EPB41: variants seen among roughly 807,000 people sequenced by gnomAD.
EPB41 encodes erythrocyte membrane protein band 4.1.
Under a neutral mutation model 108.0 loss-of-function variants are expected in EPB41, and 65 were observed. The observed-to-expected ratio is 0.60, with a 90% CI of 0.49 to 0.74. The LOEUF is 0.74. Among genes scored for constraint, EPB41 ranks in the 30% least tolerant of loss-of-function variants. The pLI, the probability that EPB41 is intolerant of heterozygous loss-of-function variation, is 0.00. For missense variants in EPB41, 875 were observed against 1,037.0 expected, an observed-to-expected ratio of 0.84 and a Z score of 2.15; for synonymous variants, 336 against 358.9, an observed-to-expected ratio of 0.94 and a Z score of 0.72.
At chr1:28,935,811 C>T (rs551162510) in intron 1 of EPB41, among the ~76,000 whole-genome samples, 26 of 151,406 alleles carry the variant, frequency 1.7e-4, no homozygotes, top group Middle Eastern at 3.4e-3. Flanking sequence ...CCCAGCTACT[C>T]GGGAGGCTGA....
intron 12 of EPB41, chr1:29,054,171 T>C (rs1644970266): frequency 6.6e-6 from 1 of 152,196 alleles, no homozygotes; most frequent in African/African-American, 2.4e-5. Context: ...GCACCCACAG[T>C]CACTGCACTG....
At chr1:29,001,101 G>C (rs2096285027) in intron 4 of EPB41, among the ~76,000 whole-genome samples, 1 of 152,116 alleles carries the variant, frequency 6.6e-6, no homozygotes, top group African/African-American at 2.4e-5. Context: ...ACTTTGGGAG[G>C]CTGAACTGGG....
At chr1:28,936,634 G>A (rs967481617) in intron 1 of EPB41, among the ~76,000 whole-genome samples, 1 of 152,080 alleles carries the variant, frequency 6.6e-6, no homozygotes, top group Non-Finnish European at 1.5e-5. Context: ...TCACATAAAT[G>A]GAATCACATA....
intron 1 of EPB41, among the ~76,000 whole-genome samples, chr1:28,905,058 G>C (rs2091671210): frequency 7.1e-6 from 1 of 141,172 alleles, no homozygotes; most frequent in South Asian, 2.1e-4. Flanking sequence ...AATTAGCCAG[G>C]CGTGGTGGTG....
intron 4 of EPB41, among the ~76,000 whole-genome samples, chr1:29,007,233 A>G (rs892281967): frequency 2.6e-5 from 4 of 152,000 alleles, no homozygotes; most frequent in Non-Finnish European, 5.9e-5. Flanking sequence ...GTTACTGTAT[A>G]ATATAATATT....
intron 1 of EPB41, chr1:28,889,707 TG>T: frequency 1.7e-6 from 1 of 599,008 alleles, no homozygotes; most frequent in Non-Finnish European, 2.1e-6. Flanking sequence ...AGACAGAGGC[TG>T]GGGTGGTGGG....
At chr1:28,980,728 A>G (rs2095717784) in intron 1 of EPB41, among the ~76,000 whole-genome samples, 1 of 141,146 alleles carries the variant, frequency 7.1e-6, no homozygotes, top group Non-Finnish European at 1.6e-5. Context: ...AAAGTGCATT[A>G]TTTTTATTTT....
At chr1:29,058,959 C>A in intron 14 of EPB41, 107 bp downstream of exon 14, 1 of 1,082,396 alleles carries the variant, frequency 9.2e-7, no homozygotes, top group Non-Finnish European at 1.4e-6. Context: ...TTCTTTTAAT[C>A]AGGAGTTGTT....
chr1:29,036,282 G>A lies in EPB41; in HGVS notation c.1463+359G>A, dbSNP rs1274428474. Among the ~76,000 whole-genome samples the A allele has an allele frequency of 5.9e-5, 8 of 136,686 alleles. No homozygotes were observed. In the East Asian group the frequency reaches 1.8e-3, roughly 31 times the overall value. The allele number at this position is 136,686 out of a possible 152,430, so 89.7% of individuals were successfully genotyped here. A position where few individuals can be genotyped will look rare whatever the true frequency, so the allele number is the denominator to read the frequency against. The stretch of plus-strand genomic sequence containing the variant: ...TTTTTTTTTTTTTTTTTTTTGAGAC[G>A]GAGTTTCGCTCTTGTTGCCCAGGCT... On this transcript the variant is annotated intron_variant, in intron 10 of 20. Coordinates refer to ENST00000343067, the MANE Select transcript of EPB41 (RefSeq NM_001376013.1).
At chr1:29,094,497 A>G (rs1211827158) in intron 16 of EPB41, among the ~76,000 whole-genome samples, 1 of 151,870 alleles carries the variant, frequency 6.6e-6, no homozygotes, top group Non-Finnish European at 1.5e-5. Context: ...GGTGGTCTCA[A>G]ACTCCTGACC....
chr1:29,050,739 G>A (rs1426886506), intron 11 of EPB41, among the ~76,000 whole-genome samples: 1 of 151,754 alleles, frequency 6.6e-6, no homozygotes, highest in East Asian at 1.9e-4. Flanking sequence ...GCAGTGGTAC[G>A]ATCTCGGCTC....
At chr1:29,053,568 T>G (rs901240690) in intron 12 of EPB41, 2 of 373,114 alleles carry the variant, frequency 5.4e-6, no homozygotes, top group Non-Finnish European at 9.8e-6. Flanking sequence ...ATTTATTTAT[T>G]TATTTTTTTG....
Position 29,112,501 on chromosome 1 carries a change from C to G in EPB41, c.2496+53C>G. 2.0e-6 allele frequency: 3 copies of G among 1,467,264 alleles called. No individual in the cohort carries two copies. The Admixed American group carries it at 5.0e-5, about 25-fold the overall frequency. 90.9% of individuals were successfully genotyped at this position (1,467,264 alleles called of 1,614,324 possible). On this transcript the variant is annotated intron_variant, in intron 19 of 20. Transcript: ENST00000343067. ...GGGAGGGGTCCCTGGGCAGGAAGAC[C>G]GATGAATACAGGAGTTTGTTTGCCA... is the stretch of plus-strand genomic sequence containing the variant.
intron 1 of EPB41, among the ~76,000 whole-genome samples, chr1:28,953,140 ATATG>A: frequency 6.6e-6 from 1 of 151,946 alleles, no homozygotes; most frequent in East Asian, 1.9e-4. Context: ...CAAGTGATTG[ATATG>A]TCTCTTAAGT....
At position 29,119,182 on chromosome 1, in the gene EPB41, G is replaced by A. The variant is rs1671464654; in HGVS notation, c.*2370G>A. ...CAGGCTCTTAGAAGCCATAGATTTG[G>A]ACAAGCCCAGCAAGATGGGTGTCCT... On this transcript the variant is annotated 3_prime_UTR_variant, in exon 21 of 21. Coordinates refer to ENST00000343067, the MANE Select transcript of EPB41 (RefSeq NM_001376013.1). The A allele has an allele frequency of 1.3e-5, 2 of 152,604 alleles. No homozygotes were observed. The highest frequency in any genetic ancestry group is 4.8e-5 in the African/African-American group (2 of 41,458). 9.5% of individuals were successfully genotyped at this position (152,604 alleles called of 1,614,324 possible).
At chr1:28,907,738 G>A (rs576500167) in intron 1 of EPB41, among the ~76,000 whole-genome samples, 4 of 152,080 alleles carry the variant, frequency 2.6e-5, no homozygotes, top group African/African-American at 7.2e-5. Context: ...TCAGTCTCTC[G>A]AGTAGCTGGG....
At chr1:29,002,432 A>C (rs1209825439) in intron 4 of EPB41, among the ~76,000 whole-genome samples, 1 of 151,820 alleles carries the variant, frequency 6.6e-6, no homozygotes, top group Non-Finnish European at 1.5e-5. Context: ...CCTGGGTGAC[A>C]GGGATAAGAC....
At chr1:28,998,429 T>C (rs2096232560) in intron 4 of EPB41, among the ~76,000 whole-genome samples, 2 of 152,184 alleles carry the variant, frequency 1.3e-5, no homozygotes, top group Non-Finnish European at 2.9e-5. Flanking sequence ...AGACACTGAA[T>C]TTAAGCCATT....
At chr1:29,099,573 C>T (rs1406618759) in intron 17 of EPB41, among the ~76,000 whole-genome samples, 1 of 152,172 alleles carries the variant, frequency 6.6e-6, no homozygotes, top group African/African-American at 2.4e-5. Flanking sequence ...CTGTCTTGAC[C>T]TCCCAAGATG....
Sources: allele counts gnomAD v4.1 joint callset (sites outside exome capture counted in the v4.1 genomes callset), GRCh38; gene constraint gnomAD v4.1.1; transcripts MANE v1.5; gene names NCBI Gene and HGNC (gene_info 2026-07-23, HGNC 2026-07-21).